Variants in FBXL5 observed in about 807,000 individuals in gnomAD.
FBXL5 encodes the protein F-box and leucine rich repeat protein 5.
FBXL5 carries 26 observed loss-of-function variants against 78.3 expected under a neutral mutation model. The observed-to-expected ratio is 0.33, with a 90% CI of 0.24 to 0.46. The LOEUF (loss-of-function observed/expected upper bound fraction) is 0.46, where lower values mean the gene tolerates loss of function less well. Among genes scored for constraint, FBXL5 ranks in the 20% least tolerant of loss-of-function variants. The pLI is 1.00. For missense variants in FBXL5, 710 were observed against 829.2 expected, an observed-to-expected ratio of 0.86 and a Z score of 1.77; for synonymous variants, 295 against 282.5, an observed-to-expected ratio of 1.04 and a Z score of -0.45.
intron 9 of FBXL5, among the ~76,000 whole-genome samples, chr4:15,619,457 C>T (rs954114779): frequency 6.6e-6 from 1 of 151,948 alleles, no homozygotes; most frequent in Admixed American, 6.6e-5. Flanking sequence ...GAGAAAAAAA[C>T]GTGACAAAAC....
Position 15,612,288 on chromosome 4 carries a change from A to G in FBXL5, c.1977T>C (p.Phe659=). ...SACPSLNDEY[F]YYCDNINGPH... is the part of the protein sequence containing the mutation. ...TACCGTTAATGTTGTCACAGTAGTA[A>G]AAGTATTCATCATTCAGAGAAGGAC... Residue 659 remains phenylalanine (F), a synonymous_variant, in exon 10 of 11, where the codon TTT becomes TTC. Coordinates refer to ENST00000341285, the MANE Select transcript of FBXL5 (RefSeq NM_012161.4). 1 of 1,608,676 alleles carries G rather than the reference A, an allele frequency of 6.2e-7. No individual in the cohort carries two copies. The highest frequency in any genetic ancestry group is 8.5e-7 in the Non-Finnish European group (1 of 1,178,018).
upstream of FBXL5, chr4:15,656,349 A>C (rs371839931): frequency 3.6e-5 from 16 of 450,550 alleles, no homozygotes; most frequent in East Asian, 1.1e-3. Context: ...ACTGCTGGAC[A>C]GATAGAGAAA....
At position 15,640,960 on chromosome 4, in the gene FBXL5, T is replaced by C. The variant is rs537364243; in HGVS notation, c.301-77A>G. Reference sequence around the variant, plus strand: ...ATGTCTGGTCCCAGGAAGTTTAAAATGTGACATAAAACCTCCGGGGAAAAA... The same window carrying C: ...ATGTCTGGTCCCAGGAAGTTTAAAACGTGACATAAAACCTCCGGGGAAAAA... On this transcript the variant is annotated intron_variant, in intron 2 of 10. Transcript: ENST00000341285. 3.8e-5 allele frequency: 29 copies of C among 757,852 alleles called. No homozygotes were observed. In the East Asian group the frequency reaches 8.3e-4, roughly 22 times the overall value. 46.9% of individuals were successfully genotyped at this position (757,852 alleles called of 1,614,324 possible).
At chr4:15,680,467 T>G (rs1718185364) in intron 1 of FBXL5, among the ~76,000 whole-genome samples, 1 of 152,146 alleles carries the variant, frequency 6.6e-6, no homozygotes, top group Non-Finnish European at 1.5e-5. Context: ...GGTCAGGAGT[T>G]CGAGACCAGC....
chr4:15,680,704 G>A (rs1452880638), intron 1 of FBXL5, among the ~76,000 whole-genome samples: 2 of 151,804 alleles, frequency 1.3e-5, no homozygotes, highest in Non-Finnish European at 2.9e-5. Flanking sequence ...TCCAGTTGGA[G>A]AATCAAAAAT....
At chr4:15,655,415 G>C (rs1035682775), upstream of FBXL5, 1 of 1,003,896 alleles carries the variant, frequency 1.0e-6, no homozygotes, top group African/African-American at 1.8e-5. Context: ...CGCCCGGTCG[G>C]CTTGGCCGGC....
intron 9 of FBXL5, among the ~76,000 whole-genome samples, chr4:15,624,664 AAAG>A (rs1340460854): frequency 6.6e-6 from 1 of 152,102 alleles, no homozygotes; most frequent in African/African-American, 2.4e-5. Context: ...AAAAAACAGA[AAAG>A]AAAATGTAGA....
chr4:15,664,119 A>C (rs984449526), upstream of FBXL5, among the ~76,000 whole-genome samples: 2 of 152,206 alleles, frequency 1.3e-5, no homozygotes, highest in Non-Finnish European at 2.9e-5. Context: ...TTTTTAGGTA[A>C]CACACAATAC....
intron 1 of FBXL5, among the ~76,000 whole-genome samples, chr4:15,680,667 C>T (rs982974487): frequency 2.0e-5 from 3 of 151,734 alleles, no homozygotes; most frequent in Admixed American, 2.0e-4. Flanking sequence ...GAGAGTGAGA[C>T]TCCGTCTCAA....
At chr4:15,670,644 C>A (rs377573756) in intron 1 of FBXL5, among the ~76,000 whole-genome samples, 9 of 152,020 alleles carry the variant, frequency 5.9e-5, no homozygotes, top group Admixed American at 4.6e-4. Context: ...CCCCTCCCCC[C>A]ACAAAAGAAA....
At chr4:15,652,522 A>C (rs1025839344) in intron 1 of FBXL5, among the ~76,000 whole-genome samples, 5 of 152,222 alleles carry the variant, frequency 3.3e-5, no homozygotes, top group African/African-American at 7.2e-5. Context: ...TCCATGGGCA[A>C]AGTATTAAAT....
intron 9 of FBXL5, among the ~76,000 whole-genome samples, chr4:15,621,346 G>A (rs928403512): frequency 1.3e-5 from 2 of 152,144 alleles, no homozygotes; most frequent in African/African-American, 2.4e-5. Flanking sequence ...AAATAAAATT[G>A]TATTTACAAT....
At chr4:15,662,998 G>A (rs1717387043), upstream of FBXL5, among the ~76,000 whole-genome samples, 1 of 152,150 alleles carries the variant, frequency 6.6e-6, no homozygotes, top group Admixed American at 6.5e-5. Flanking sequence ...GAGTAAATAA[G>A]AAATGGTTGT....
chr4:15,640,178 T>G (rs183143561), intron 3 of FBXL5, among the ~76,000 whole-genome samples: 1 of 152,076 alleles, frequency 6.6e-6, no homozygotes, highest in African/African-American at 2.4e-5. Flanking sequence ...GTAGCTGAGA[T>G]GACAGGCACA....
chr4:15,657,667 A>T (rs186164648), upstream of FBXL5, among the ~76,000 whole-genome samples: 1 of 152,332 alleles, frequency 6.6e-6, no homozygotes, highest in African/African-American at 2.4e-5. Context: ...CCTGTGAGTA[A>T]TTTTTCCCAT....
chr4:15,668,151 T>C (rs1692948839), intron 1 of FBXL5, among the ~76,000 whole-genome samples: 1 of 151,842 alleles, frequency 6.6e-6, no homozygotes, highest in South Asian at 2.1e-4. Context: ...TGTGACTTAA[T>C]GTGTGAAGGA....
At chr4:15,608,797 G>C (rs1050622173) in intron 10 of FBXL5, among the ~76,000 whole-genome samples, 1 of 152,046 alleles carries the variant, frequency 6.6e-6, no homozygotes, top group Non-Finnish European at 1.5e-5. Flanking sequence ...TAAATAATAA[G>C]AGTAGTTACT....
chr4:15,624,928 T>A (rs1712875391), intron 9 of FBXL5, among the ~76,000 whole-genome samples: 1 of 152,244 alleles, frequency 6.6e-6, no homozygotes, highest in African/African-American at 2.4e-5. Flanking sequence ...TATTTTCTTG[T>A]TACATGTTCT....
rs982790108 is a variant in FBXL5, at chr4:15,655,304, T to G, written c.-17A>C. 9 of 1,385,330 alleles carry G rather than the reference T, an allele frequency of 6.5e-6. No homozygotes were observed. In the African/African-American group the frequency reaches 1.2e-4, roughly 18 times the overall value. The allele number at this position is 1,385,330 out of a possible 1,614,324, so 85.8% of individuals were successfully genotyped here. A position where few individuals can be genotyped will look rare whatever the true frequency, so the allele number is the denominator to read the frequency against. ...GGGCGCCATCGCCACTGCCTCAGCC[T>G]CCGCCTCAGCAGCCGCGGCCGCCGC... On this transcript the variant is annotated 5_prime_UTR_variant, in exon 1 of 11. Transcript: ENST00000341285.
Sources: allele counts gnomAD v4.1 joint callset (sites outside exome capture counted in the v4.1 genomes callset), GRCh38; gene constraint gnomAD v4.1.1; transcripts MANE v1.5; gene names NCBI Gene and HGNC (gene_info 2026-07-23, HGNC 2026-07-21).